The following SLC38A11 variants were observed in gnomAD, a reference collection of about 807,000 sequenced individuals.
The protein encoded by SLC38A11 is putative sodium-coupled neutral amino acid transporter 11.
In SLC38A11, 51 loss-of-function variants were observed where a neutral mutation model predicts 49.4. The ratio of observed to expected loss-of-function variants is 1.03; its 90% CI spans 0.83 to 1.30. SLC38A11 has a LOEUF of 1.30. Ranked by LOEUF, SLC38A11 falls within the 50% of genes most tolerant of loss-of-function variation. SLC38A11 has a pLI of 0.00. For synonymous variants in SLC38A11, 203 were observed against 192.9 expected, an observed-to-expected ratio of 1.05 and a Z score of -0.43; for missense variants, 574 against 556.2, an observed-to-expected ratio of 1.03 and a Z score of -0.32.
chr2:164,915,870 A>G (rs1199638973), intron 8 of SLC38A11, 33 bp downstream of exon 8: 3 of 1,538,932 alleles, frequency 1.9e-6, no homozygotes, highest in African/African-American at 2.7e-5. Flanking sequence ...AGAACTCCAC[A>G]TTGAGAAAGG....
chr2:164,898,730 C>T lies in SLC38A11; in HGVS notation c.1096G>A (p.Gly366Ser). The T allele has an allele frequency of 6.2e-7, 1 of 1,602,084 alleles. No homozygotes were observed. Among genetic ancestry groups the T allele is most frequent in the South Asian group, 1.1e-5 (1 of 89,854 alleles). Residue 366 changes from glycine (G) to serine (S), a missense_variant and splice_region_variant, in exon 12 of 12, where the codon GGT becomes AGT. Gly to Ser is a moderately conservative substitution (Grantham distance 56). Coordinates refer to ENST00000685975, the MANE Select transcript of SLC38A11 (RefSeq NM_001351537.2). ...ATGAGGGGAGTTGCACAGAGCACAC[C>T]CTGCATGTTGAAAACAAGAAACAAG... ...DCLGIVLELN[G>S]VLCATPLIFI...
intron 3 of SLC38A11, among the ~76,000 whole-genome samples, chr2:164,947,115 CTCTTTT>C: frequency 3.2e-5 from 2 of 63,078 alleles, no homozygotes; most frequent in Non-Finnish European, 5.8e-5. Flanking sequence ...ACTTTTTTAT[CTCTTTT>C]TTTTTTTTTT....
Position 164,952,717 on chromosome 2 carries a change from T to C in SLC38A11, c.219A>G (p.Ser73=), listed in dbSNP as rs755654279. 6.2e-7 allele frequency: 1 copy of C among 1,609,086 alleles called. No individual in the cohort carries two copies. Among genetic ancestry groups the C allele is most frequent in the South Asian group, 1.1e-5 (1 of 90,018 alleles). The change falls in exon 3 of 12, where the codon TCA becomes TCG. Residue 73 remains serine (S), a synonymous_variant. Coordinates refer to ENST00000685975, the MANE Select transcript of SLC38A11 (RefSeq NM_001351537.2). The stretch of plus-strand genomic sequence containing the variant: ...TATATAGTATTTTACCTGTAACATA[T>C]GAAACCCAGAATAAAAGCAATATTC... ...PLGILLLFWV[S]YVTDFSLVLL...
intron 3 of SLC38A11, among the ~76,000 whole-genome samples, chr2:164,946,930 T>G (rs1312207694): frequency 1.3e-5 from 2 of 152,160 alleles, no homozygotes; most frequent in South Asian, 2.1e-4. Flanking sequence ...TACTCTTATC[T>G]GCTCTTTCGG....
At chr2:164,932,964 T>A (rs561177035) in intron 7 of SLC38A11, among the ~76,000 whole-genome samples, 4 of 152,258 alleles carry the variant, frequency 2.6e-5, no homozygotes, top group Non-Finnish European at 4.4e-5. Context: ...TACCCATTTT[T>A]AAAAATCCTT....
At chr2:164,951,214 A>G (rs188983944) in intron 3 of SLC38A11, among the ~76,000 whole-genome samples, 94 of 151,862 alleles carry the variant, frequency 6.2e-4, no homozygotes, top group African/African-American at 2.1e-3. Context: ...ATACTTTTAA[A>G]TGTTTTCTAC....
chr2:164,931,503 C>T (rs550030073), intron 7 of SLC38A11, among the ~76,000 whole-genome samples: 20 of 152,052 alleles, frequency 1.3e-4, no homozygotes, highest in Admixed American at 5.2e-4. Flanking sequence ...AGAGGCATCA[C>T]GCTACCCAAC....
At chr2:164,919,280 T>C (rs543445031) in intron 7 of SLC38A11, among the ~76,000 whole-genome samples, 1 of 152,136 alleles carries the variant, frequency 6.6e-6, no homozygotes, top group Non-Finnish European at 1.5e-5. Flanking sequence ...CAGTGAGCCA[T>C]GATCACCCCA....
At chr2:164,909,129 T>C (rs1247599463) in intron 10 of SLC38A11, among the ~76,000 whole-genome samples, 1 of 152,142 alleles carries the variant, frequency 6.6e-6, no homozygotes, top group Non-Finnish European at 1.5e-5. Context: ...AAACATGCTA[T>C]TTAGATTATT....
chr2:164,922,558 A>T (rs1433544237), intron 7 of SLC38A11, among the ~76,000 whole-genome samples: 1 of 152,220 alleles, frequency 6.6e-6, no homozygotes, highest in Non-Finnish European at 1.5e-5. Context: ...CACTCTGAAC[A>T]TTAAAACTGA....
chr2:164,918,080 A>G lies in SLC38A11; in HGVS notation c.618-2107T>C, dbSNP rs554846944. ...GAGTTCCAGATACAATCAGTTGTAC[A>G]GGAAAAAAAAAAAAGAGAGAGAAGA... On this transcript the variant is annotated intron_variant, in intron 7 of 11. Transcript: ENST00000685975. Among the ~76,000 whole-genome samples, 169 of 151,638 alleles carry G rather than the reference A, an allele frequency of 1.1e-3. 1 individual carries two copies. Among genetic ancestry groups the G allele is most frequent in the Admixed American group, 3.1e-3 (47 of 15,218 alleles).
intron 5 of SLC38A11, among the ~76,000 whole-genome samples, chr2:164,944,134 G>T (rs1374641277): frequency 1.3e-5 from 2 of 152,128 alleles, no homozygotes; most frequent in African/African-American, 4.8e-5. Flanking sequence ...GGGATTATAG[G>T]CGTGAGCCAC....
At chr2:164,937,508 T>A in intron 6 of SLC38A11, 79 bp from the exon 7 acceptor site, 1 of 953,772 alleles carries the variant, frequency 1.0e-6, no homozygotes, top group Non-Finnish European at 1.6e-6. Context: ...TTCTCATTTT[T>A]AATTGGGTAA....
intron 9 of SLC38A11, among the ~76,000 whole-genome samples, chr2:164,914,280 C>T (rs973044704): frequency 2.7e-5 from 4 of 149,724 alleles, no homozygotes; most frequent in East Asian, 3.9e-4. Context: ...TCACAGCCTA[C>T]TGCTGGACTG....
At chr2:164,903,136 C>A (rs2105444934) in intron 11 of SLC38A11, among the ~76,000 whole-genome samples, 1 of 152,236 alleles carries the variant, frequency 6.6e-6, no homozygotes, top group South Asian at 2.1e-4. Context: ...CCTCTGATTT[C>A]TTTAAAATAA....
intron 7 of SLC38A11, among the ~76,000 whole-genome samples, chr2:164,919,414 A>T (rs1053786481): frequency 1.3e-5 from 2 of 152,236 alleles, no homozygotes; most frequent in Non-Finnish European, 2.9e-5. Context: ...TTAAAGTTAT[A>T]ATAAAGATAA....
rs1684411555 is a variant in SLC38A11 at position 164,897,947 on chromosome 2, A to T, written c.*490T>A. ...TCCCTTTAAACAAAGGATGCTGCTG[A>T]AATTATAACGGAGAGCTCCTCTTTG... On this transcript the variant is annotated 3_prime_UTR_variant, in exon 12 of 12. Coordinates refer to ENST00000685975, the MANE Select transcript of SLC38A11 (RefSeq NM_001351537.2). 1 of 152,864 alleles carries T rather than the reference A, an allele frequency of 6.5e-6. No individual in the cohort carries two copies. The highest frequency in any genetic ancestry group is 1.5e-5 in the Non-Finnish European group (1 of 68,662). 9.5% of individuals were successfully genotyped at this position (152,864 alleles called of 1,614,324 possible). A position where few individuals can be genotyped will look rare whatever the true frequency, so the allele number is the denominator to read the frequency against.
At chr2:164,940,400 T>C (rs1200184941) in intron 5 of SLC38A11, among the ~76,000 whole-genome samples, 1 of 151,228 alleles carries the variant, frequency 6.6e-6, no homozygotes, top group East Asian at 1.9e-4. Context: ...TCTATTTCAA[T>C]GAAGACGCTA....
At chr2:164,909,246 T>C (rs912149074) in intron 10 of SLC38A11, among the ~76,000 whole-genome samples, 1 of 152,122 alleles carries the variant, frequency 6.6e-6, no homozygotes, top group Non-Finnish European at 1.5e-5. Context: ...TCCTATTTGT[T>C]ATAATTTAAG....
Sources: allele counts gnomAD v4.1 joint callset (sites outside exome capture counted in the v4.1 genomes callset), GRCh38; gene constraint gnomAD v4.1.1; transcripts MANE v1.5; gene names NCBI Gene and HGNC (gene_info 2026-07-23, HGNC 2026-07-21).